The following PRKCA variants were observed in gnomAD, a reference collection of about 807,000 sequenced individuals.
PRKCA encodes protein kinase C alpha type.
PRKCA carries 27 observed loss-of-function variants against 87.0 expected under a neutral mutation model. The ratio of observed to expected loss-of-function variants is 0.31; its 90% CI spans 0.23 to 0.43. The LOEUF (loss-of-function observed/expected upper bound fraction) is 0.43, where lower values mean the gene tolerates loss of function less well. Ranked by LOEUF, PRKCA falls within the 20% of genes least tolerant of loss-of-function variation. PRKCA has a pLI of 1.00. For missense variants in PRKCA, 518 were observed against 852.3 expected (o/e 0.61, Z 4.88); for synonymous variants, 329 against 311.1 (o/e 1.06, Z -0.61).
intron 2 of PRKCA, among the ~76,000 whole-genome samples, chr17:66,465,773 T>G (rs1259683880): frequency 2.0e-5 from 3 of 152,212 alleles, no homozygotes; most frequent in Non-Finnish European, 4.4e-5. Context: ...TAGCTTTAAT[T>G]CGAAGAGACA....
intron 5 of PRKCA, among the ~76,000 whole-genome samples, chr17:66,651,463 G>C (rs1176675461): frequency 6.6e-6 from 1 of 152,158 alleles, no homozygotes; most frequent in Non-Finnish European, 1.5e-5. Context: ...TATCATTGCT[G>C]GGTAAGGAGA....
rs115648759 is a variant in PRKCA, at chr17:66,503,158, C to G, written c.288+6875C>G. 2.3e-3 allele frequency among the ~76,000 whole-genome samples: 353 copies of G among 152,206 alleles called. 2 individuals are homozygous for G. The highest frequency in any genetic ancestry group is 7.9e-3 in the African/African-American group (328 of 41,520). ...GAGGGATTTGTTAAAAGGCTTCAAG[C>G]GTCTGGAGGTAGTAAGCTTTCCTCG... On this transcript the variant is annotated intron_variant, in intron 3 of 16. Transcript: ENST00000413366.
chr17:66,324,741 C>T lies in PRKCA; in HGVS notation c.205+18614C>T, dbSNP rs1037403680. ...TGTCTCCAGTTTAGGCCTTTGTCCTCATCTGTGTAAATGAGGGAATTAGAC... is the reference window on the plus strand; with the variant it reads ...TGTCTCCAGTTTAGGCCTTTGTCCTTATCTGTGTAAATGAGGGAATTAGAC... On this transcript the variant is annotated intron_variant, in intron 2 of 16. Transcript: ENST00000413366. Among the ~76,000 whole-genome samples, 15 of 152,314 alleles carry T rather than the reference C, an allele frequency of 9.8e-5. No individual in the cohort carries two copies. The South Asian group carries it at 1.2e-3, about 13-fold the overall frequency.
chr17:66,347,976 T>A (rs1466991643), intron 2 of PRKCA, among the ~76,000 whole-genome samples: 1 of 84,748 alleles, frequency 1.2e-5, no homozygotes, highest in African/African-American at 4.1e-5. Flanking sequence ...AAAGTCTTGC[T>A]CTGTGCCCAG....
At chr17:66,324,424 A>G (rs1298858390) in intron 2 of PRKCA, among the ~76,000 whole-genome samples, 1 of 149,120 alleles carries the variant, frequency 6.7e-6, no homozygotes, top group East Asian at 2.0e-4. Context: ...CAACATGGTG[A>G]AACCCTGTCT....
chr17:66,437,761 T>G (rs1913486601), intron 2 of PRKCA, among the ~76,000 whole-genome samples: 1 of 121,156 alleles, frequency 8.3e-6, no homozygotes, highest in African/African-American at 3.1e-5. Flanking sequence ...CGGGGGCGGC[T>G]TCAAACTGGA....
chr17:66,332,682 T>G (rs956432044), intron 2 of PRKCA, among the ~76,000 whole-genome samples: 1 of 144,060 alleles, frequency 6.9e-6, no homozygotes, highest in Non-Finnish European at 1.5e-5. Context: ...GGTTCCTGAT[T>G]ATTTTGTTTT....
chr17:66,329,932 C>G (rs370925917), intron 2 of PRKCA, among the ~76,000 whole-genome samples: 1 of 152,064 alleles, frequency 6.6e-6, no homozygotes, highest in Non-Finnish European at 1.5e-5. Context: ...ATCGTGTTCT[C>G]TCTCTTTAGA....
intron 3 of PRKCA, among the ~76,000 whole-genome samples, chr17:66,556,923 C>T (rs1021203827): frequency 6.6e-6 from 1 of 152,156 alleles, no homozygotes; most frequent in Non-Finnish European, 1.5e-5. Flanking sequence ...ACCTGATACT[C>T]CCCGGGGAAG....
intron 3 of PRKCA, among the ~76,000 whole-genome samples, chr17:66,540,941 A>G (rs16959569): frequency 0.075 from 11,435 of 152,168 alleles, 534 homozygotes; most frequent in African/African-American, 0.12. Context: ...GGTATCCCAC[A>G]CTGTGGAAAA....
In PRKCA at chr17:66,450,646, T is replaced by C. The variant is rs994687408; in HGVS notation, c.206-45555T>C. ...CTCTTGTGGATTAGTTATTACCGGA[T>C]GACTTTCATCCACACACTTAACACT... is the stretch of plus-strand genomic sequence containing the variant. On this transcript the variant is annotated intron_variant, in intron 2 of 16. Coordinates refer to ENST00000413366, the MANE Select transcript of PRKCA (RefSeq NM_002737.3). 2.0e-5 allele frequency among the ~76,000 whole-genome samples: 3 copies of C among 152,206 alleles called. No individual in the cohort carries two copies. In the East Asian group the frequency reaches 5.8e-4, roughly 29 times the overall value.
intron 13 of PRKCA, among the ~76,000 whole-genome samples, chr17:66,765,452 A>ATATATATC (rs1369750891): frequency 1.6e-5 from 2 of 125,014 alleles, no homozygotes; most frequent in Admixed American, 1.6e-4. Context: ...ATATATATAT[A>ATATATATC]TATCCATATA....
chr17:66,376,037 C>T (rs890284556), intron 2 of PRKCA, among the ~76,000 whole-genome samples: 4 of 152,190 alleles, frequency 2.6e-5, no homozygotes, highest in Admixed American at 1.3e-4. Flanking sequence ...TATTGACTTC[C>T]TTCTGTGTGC....
chr17:66,741,754 G>A, intron 12 of PRKCA, 33 bp downstream of exon 12: 5 of 1,604,746 alleles, frequency 3.1e-6, no homozygotes, highest in Non-Finnish European at 4.3e-6. Flanking sequence ...CAGCAGCTCA[G>A]CAGAGAGGTT....
At chr17:66,724,155 T>A (rs1973683642) in intron 8 of PRKCA, among the ~76,000 whole-genome samples, 1 of 152,156 alleles carries the variant, frequency 6.6e-6, no homozygotes, top group African/African-American at 2.4e-5. Flanking sequence ...CTCTAGCTGA[T>A]GCTGCTGGTC....
At chr17:66,401,506 A>G (rs6504425) in intron 2 of PRKCA, among the ~76,000 whole-genome samples, 128,368 of 152,158 alleles carry the variant, frequency 0.84, 54,489 homozygotes, top group South Asian at 0.94. Flanking sequence ...TTTTTATGCA[A>G]TCATTGATGG....
At chr17:66,346,892 G>A (rs991814280) in intron 2 of PRKCA, among the ~76,000 whole-genome samples, 5 of 151,980 alleles carry the variant, frequency 3.3e-5, no homozygotes, top group Admixed American at 1.3e-4. Context: ...TTAGCTGGGC[G>A]TGGTGGCTCA....
intron 3 of PRKCA, among the ~76,000 whole-genome samples, chr17:66,544,077 T>C (rs1968075198): frequency 6.6e-6 from 1 of 151,906 alleles, no homozygotes; most frequent in Non-Finnish European, 1.5e-5. Context: ...TAGCCACGTG[T>C]GGTGGTGCAC....
intron 2 of PRKCA, among the ~76,000 whole-genome samples, chr17:66,455,095 C>A (rs895257969): frequency 3.9e-5 from 6 of 152,170 alleles, no homozygotes; most frequent in African/African-American, 1.4e-4. Flanking sequence ...TTATTTTTCC[C>A]AGATGAGGAA....
Sources: gnomAD v4.1 joint callset for allele counts (sites outside exome capture counted in the v4.1 genomes callset) on GRCh38, gnomAD v4.1.1 for gene constraint, MANE v1.5 for transcripts, NCBI Gene and HGNC (gene_info 2026-07-23, HGNC 2026-07-21) for gene names.